The following ZNF782 variants were observed in gnomAD, a reference collection of about 807,000 sequenced individuals.
ZNF782 encodes zinc finger protein 782.
A neutral mutation model predicts 13.0 loss-of-function variants in ZNF782; 12 were observed. The ratio of observed to expected loss-of-function variants is 0.92; its 90% CI spans 0.59 to 1.50. The LOEUF (loss-of-function observed/expected upper bound fraction) is 1.50. Among genes scored for constraint, ZNF782 ranks in the 40% most tolerant of loss-of-function variants. The pLI, the probability that ZNF782 is intolerant of heterozygous loss-of-function variation, is 0.00. For missense variants in ZNF782, 770 were observed against 822.9 expected, an observed-to-expected ratio of 0.94 and a Z score of 0.79; for synonymous variants, 284 against 283.0, an observed-to-expected ratio of 1.00 and a Z score of -0.04.
upstream of ZNF782, among the ~76,000 whole-genome samples, chr9:96,878,901 C>T (rs1851927995): frequency 1.3e-5 from 2 of 152,304 alleles, no homozygotes; most frequent in Middle Eastern, 3.4e-3. Flanking sequence ...GCTGTTTCCT[C>T]ACATCCACTC....
chr9:96,897,112 C>T, the ZNF782 span, among the ~76,000 whole-genome samples: 2 of 152,260 alleles, frequency 1.3e-5, no homozygotes, highest in Admixed American at 6.5e-5. Context: ...CCTCTGTATC[C>T]TCTGTGTGGA....
intron 1 of ZNF782, among the ~76,000 whole-genome samples, chr9:96,862,436 C>T (rs1851712052): frequency 6.6e-6 from 1 of 152,148 alleles, no homozygotes; most frequent in African/African-American, 2.4e-5. Flanking sequence ...TTCATTTACC[C>T]TACAGTTACA....
chr9:96,843,003 T>C (rs1430625960), intron 4 of ZNF782, among the ~76,000 whole-genome samples: 1 of 152,108 alleles, frequency 6.6e-6, no homozygotes, highest in Non-Finnish European at 1.5e-5. Flanking sequence ...GAGATATTGC[T>C]ATACACCTGT....
chr9:96,871,652 T>C (rs1851830105), intron 1 of ZNF782, among the ~76,000 whole-genome samples: 1 of 152,166 alleles, frequency 6.6e-6, no homozygotes, highest in Non-Finnish European at 1.5e-5. Context: ...TGCGCTGTGA[T>C]TGTGCCTGGA....
chr9:96,899,590 A>T, the ZNF782 span, among the ~76,000 whole-genome samples: 36 of 152,212 alleles, frequency 2.4e-4, no homozygotes, highest in African/African-American at 8.2e-4. Flanking sequence ...GAGGCTGAGA[A>T]ATCCAAGGTT....
chr9:96,897,522 C>T, the ZNF782 span, among the ~76,000 whole-genome samples: 1 of 151,974 alleles, frequency 6.6e-6, no homozygotes, highest in African/African-American at 2.4e-5. Context: ...TCCAGAATTC[C>T]ACTCCACAGG....
the ZNF782 span, chr9:96,895,109 G>A: frequency 6.6e-6 from 1 of 152,188 alleles, no homozygotes; most frequent in South Asian, 2.1e-4. Flanking sequence ...TTGCTCTTCT[G>A]TATAGGTCAG....
the ZNF782 span, among the ~76,000 whole-genome samples, chr9:96,880,953 T>C: frequency 1.3e-5 from 2 of 152,198 alleles, no homozygotes; most frequent in African/African-American, 4.8e-5. Flanking sequence ...TGAATTCCAT[T>C]TCTTTAATAT....
At chr9:96,880,598 T>G (rs905129168), upstream of ZNF782, among the ~76,000 whole-genome samples, 1 of 152,250 alleles carries the variant, frequency 6.6e-6, no homozygotes, top group Non-Finnish European at 1.5e-5. Context: ...TTGGTTGATT[T>G]TCAAATATTG....
intron 4 of ZNF782, among the ~76,000 whole-genome samples, chr9:96,831,713 A>AC: frequency 9.7e-6 from 1 of 103,388 alleles, no homozygotes; most frequent in Non-Finnish European, 1.6e-5. Flanking sequence ...ACTCTGTCTC[A>AC]AAAAAAAAAA....
At chr9:96,890,869 T>C in the ZNF782 span, 4 of 152,192 alleles carry the variant, frequency 2.6e-5, no homozygotes, top group Non-Finnish European at 4.4e-5. Flanking sequence ...AGCCCAAAGG[T>C]GGGAACAACC....
In ZNF782 at chr9:96,817,949, G is replaced by T; in HGVS notation, c.2074C>A (p.His692Asn). The T allele has an allele frequency of 6.3e-7, 1 of 1,575,822 alleles. No homozygotes were observed. Among genetic ancestry groups the T allele is most frequent in the Non-Finnish European group, 8.6e-7 (1 of 1,165,028 alleles). Residue 692 changes from histidine to asparagine, a missense_variant, in exon 6 of 6, where the codon CAT (histidine) becomes AAT (asparagine). Coordinates refer to ENST00000481138, the MANE Select transcript of ZNF782 (RefSeq NM_001001662.3). Reference protein sequence around the residue: ...TFSQKSSLREHQKAHPGD With the variant: ...TFSQKSSLRENQKAHPGD Reference sequence around the variant, plus strand: ...TAATCCCCTGGGTGGGCTTTCTGATGTTCTCTAAGGCTTGATTTTTGACTG... The same window carrying T: ...TAATCCCCTGGGTGGGCTTTCTGATTTTCTCTAAGGCTTGATTTTTGACTG...
the ZNF782 span, among the ~76,000 whole-genome samples, chr9:96,922,748 T>C: frequency 4.0e-5 from 6 of 151,202 alleles, no homozygotes; most frequent in East Asian, 2.0e-4. Flanking sequence ...CACTCCAGCC[T>C]GGGCGACAGA....
chr9:96,855,872 G>A (rs1290425625), upstream of ZNF782, among the ~76,000 whole-genome samples: 3 of 152,120 alleles, frequency 2.0e-5, no homozygotes, highest in Admixed American at 6.5e-5. Context: ...CATTCCCACC[G>A]GCAGTGTAGA....
upstream of ZNF782, among the ~76,000 whole-genome samples, chr9:96,858,889 G>A (rs531251335): frequency 6.6e-6 from 1 of 152,298 alleles, no homozygotes; most frequent in African/African-American, 2.4e-5. The surrounding 1 kb of genome is among the most constrained non-coding windows in gnomAD (Gnocchi z 4.4). Flanking sequence ...GAGCACAGCA[G>A]CTGTGGGACT....
At chr9:96,829,493 G>C (rs1850730337) in intron 4 of ZNF782, among the ~76,000 whole-genome samples, 1 of 152,038 alleles carries the variant, frequency 6.6e-6, no homozygotes, top group Non-Finnish European at 1.5e-5. Flanking sequence ...GATGAAACTG[G>C]AAGAATAACC....
At chr9:96,859,263 T>C (rs746548426), upstream of ZNF782, among the ~76,000 whole-genome samples, 14 of 152,162 alleles carry the variant, frequency 9.2e-5, no homozygotes, top group Non-Finnish European at 1.8e-4. Context: ...GCCAGTGTAT[T>C]TGGGGGCATG....
chr9:96,869,603 A>G (rs753818665), intron 1 of ZNF782, among the ~76,000 whole-genome samples: 1 of 152,236 alleles, frequency 6.6e-6, no homozygotes, highest in Non-Finnish European at 1.5e-5. Flanking sequence ...CGGAAATGAT[A>G]ACTTTTATGG....
At chr9:96,925,050 C>T in the ZNF782 span, among the ~76,000 whole-genome samples, 1 of 152,152 alleles carries the variant, frequency 6.6e-6, no homozygotes, top group African/African-American at 2.4e-5. Context: ...GGTAACACCA[C>T]GGAGGACGCC....
Sources: gnomAD v4.1 joint callset for allele counts (sites outside exome capture counted in the v4.1 genomes callset) on GRCh38, gnomAD v4.1.1 for gene constraint, Gnocchi (gnomAD v3.1) non-coding constraint, MANE v1.5 for transcripts, NCBI Gene and HGNC (gene_info 2026-07-23, HGNC 2026-07-21) for gene names.